VAX1: variants seen among roughly 807,000 people sequenced by gnomAD.
VAX1 encodes ventral anterior homeobox 1.
In VAX1, 6 loss-of-function variants were observed where a neutral mutation model predicts 17.6. The ratio of observed to expected loss-of-function variants is 0.34; its 90% CI spans 0.19 to 0.67. VAX1 has a LOEUF of 0.67. VAX1 is among the 30% of genes least tolerant of loss of function. The pLI, the probability that VAX1 is intolerant of heterozygous loss-of-function variation, is 0.69. For synonymous variants in VAX1, 256 were observed against 227.4 expected, an observed-to-expected ratio of 1.13 and a Z score of -1.13; for missense variants, 408 against 463.7, an observed-to-expected ratio of 0.88 and a Z score of 1.10.
chr10:117,138,096 C>CAAA lies in VAX1; in HGVS notation c.-43_-41dup. The CAAA allele has an allele frequency of 3.7e-5, 13 of 352,304 alleles. No individual in the cohort carries two copies. Among genetic ancestry groups the CAAA allele is most frequent in the South Asian group, 1.4e-4 (4 of 27,914 alleles). The allele number at this position is 352,304 out of a possible 1,614,324, so 21.8% of individuals were successfully genotyped here. A position where few individuals can be genotyped will look rare whatever the true frequency, so the allele number is the denominator to read the frequency against. On this transcript the variant is annotated 5_prime_UTR_variant, in exon 1 of 3. Coordinates refer to ENST00000369206, the MANE Select transcript of VAX1 (RefSeq NM_001112704.2). ...ACAAAAACAGAAAGGAAAAAAAAAGCAAAAAAAAAAAAAAGGGGGGGGGGC... is the reference window on the plus strand; with the variant it reads ...ACAAAAACAGAAAGGAAAAAAAAAGCAAAAAAAAAAAAAAAAAGGGGGGGGGGC...
At chr10:117,132,186 G>C (rs752021608), downstream of VAX1, 1 of 1,597,004 alleles carries the variant, frequency 6.3e-7, no homozygotes, top group Non-Finnish European at 8.5e-7. The surrounding 1 kb of genome is among the most constrained non-coding windows in gnomAD (Gnocchi z 4.9). Context: ...AGGCGCTCAC[G>C]GTACCAGTCG....
chr10:117,132,226 C>A, downstream of VAX1: 2 of 1,614,020 alleles, frequency 1.2e-6, no homozygotes, highest in Non-Finnish European at 1.7e-6. The surrounding 1 kb of genome is among the most constrained non-coding windows in gnomAD (Gnocchi z 4.9). Flanking sequence ...GGCTGCCACC[C>A]TCTGCCCCCG....
downstream of VAX1, chr10:117,128,797 T>C (rs891004013): frequency 1.3e-5 from 2 of 152,166 alleles, no homozygotes; most frequent in African/African-American, 2.4e-5. Context: ...CCAAGAAGGG[T>C]GTGCATCTGA....
rs372955877 is a variant in VAX1 at position 117,136,435 on chromosome 10, C to G, written c.429+37G>C. ...TAGGTAGGGGTGGTGGGGAGGAAGGCTGGTGCAGAACTGTGTGCGGCCTGG... is the reference window on the plus strand; with the variant it reads ...TAGGTAGGGGTGGTGGGGAGGAAGGGTGGTGCAGAACTGTGTGCGGCCTGG... On this transcript the variant is annotated intron_variant, in intron 2 of 2. Transcript: ENST00000369206. The surrounding 1 kb of genome is among the most constrained non-coding windows in gnomAD (Gnocchi z 5.0). 117 of 1,608,738 alleles carry G rather than the reference C, an allele frequency of 7.3e-5. No homozygotes were observed. The African/African-American group carries it at 1.3e-3, about 18-fold the overall frequency.
Position 117,138,259 on chromosome 10 carries a change from C to T in VAX1, c.-203G>A. On this transcript the variant is annotated 5_prime_UTR_variant, in exon 1 of 3. Transcript: ENST00000369206. ...TCGGCGGCCGCGCGCGGGTCAGCGGCGACGGGAGAGTGGCGCGCTCGCCGA... is the reference window on the plus strand; with the variant it reads ...TCGGCGGCCGCGCGCGGGTCAGCGGTGACGGGAGAGTGGCGCGCTCGCCGA... 3.0e-6 allele frequency: 2 copies of T among 663,470 alleles called. No homozygotes were observed. Among genetic ancestry groups the T allele is most frequent in the Non-Finnish European group, 5.0e-6 (2 of 400,816 alleles). 41.1% of individuals were successfully genotyped at this position (663,470 alleles called of 1,614,324 possible).
At position 117,134,315 on chromosome 10, in the gene VAX1, G is replaced by A; in HGVS notation, c.698C>T (p.Ala233Val). 9.5e-7 allele frequency: 1 copy of A among 1,048,098 alleles called. No individual in the cohort carries two copies. 64.9% of individuals were successfully genotyped at this position (1,048,098 alleles called of 1,614,324 possible). Reference protein sequence around the residue: ...AGSAAAAAAAAPGPAGAASPH... With the variant: ...AGSAAAAAAAVPGPAGAASPH... ...GGATGCAGCGCCCGCTGGGCCCGGG[G>A]CGGCGGCGGCGGCTGCGGCGGCCGA... is the stretch of plus-strand genomic sequence containing the variant. The change falls in exon 3 of 3, where the codon GCC becomes GTC. Residue 233 changes from alanine to valine, a missense_variant. Ala to Val is a moderately conservative substitution (Grantham distance 64, BLOSUM62 0). This residue lies in a region of VAX1 where 196 missense variants were observed against 218.7 expected (regional missense o/e 0.90). Transcript: ENST00000369206. The surrounding 1 kb of genome is among the most constrained non-coding windows in gnomAD (Gnocchi z 6.2).
downstream of VAX1, chr10:117,132,133 C>T (rs1174386540): frequency 4.1e-6 from 6 of 1,468,718 alleles, no homozygotes; most frequent in African/African-American, 7.1e-5. This position sits in a 1 kb window ranked among gnomAD's most constrained non-coding sequence, Gnocchi z 4.9. Context: ...AGCCAGGCGT[C>T]TCTGCCTCTC....
rs1246165942 is a variant in VAX1, at chr10:117,137,943, G to A, written c.114C>T (p.Asn38=). Reference sequence around the variant, plus strand: ...GCTCCTTGAGGAAGGCGGCTGGGAGGTTCCCCTCCGCGCCCTTGCTCTCCC... The same window carrying A: ...GCTCCTTGAGGAAGGCGGCTGGGAGATTCCCCTCCGCGCCCTTGCTCTCCC... ...ESRESKGAEG[N]LPAAFLKEPQ... is the part of the protein sequence containing the mutation. The change falls in exon 1 of 3, where the codon AAC becomes AAT. Residue 38 remains asparagine (N), a synonymous_variant. Coordinates refer to ENST00000369206, the MANE Select transcript of VAX1 (RefSeq NM_001112704.2). This position sits in a 1 kb window ranked among gnomAD's most constrained non-coding sequence, Gnocchi z 7.4. 3.1e-6 allele frequency: 5 copies of A among 1,613,690 alleles called. No homozygotes were observed. In the African/African-American group the frequency reaches 6.7e-5, roughly 22 times the overall value.
rs1013518654 is a variant in VAX1 at position 117,134,779 on chromosome 10, G to A, written c.430-196C>T. 6.6e-6 allele frequency among the ~76,000 whole-genome samples: 1 copy of A among 152,070 alleles called. No homozygotes were observed. The highest frequency in any genetic ancestry group is 1.5e-5 in the Non-Finnish European group (1 of 68,004). On this transcript the variant is annotated intron_variant, in intron 2 of 2. Coordinates refer to ENST00000369206, the MANE Select transcript of VAX1 (RefSeq NM_001112704.2). The surrounding 1 kb of genome is among the most constrained non-coding windows in gnomAD (Gnocchi z 6.2). Reference sequence around the variant, plus strand: ...GCGCCGCCACGAGGGGGACACAGCTGCTCCACCGGGCTGCGCTTCCGGGTC... The same window carrying A: ...GCGCCGCCACGAGGGGGACACAGCTACTCCACCGGGCTGCGCTTCCGGGTC...
chr10:117,132,085 G>C (rs1207280937), downstream of VAX1: 5 of 977,492 alleles, frequency 5.1e-6, no homozygotes, highest in African/African-American at 6.6e-5. This position sits in a 1 kb window ranked among gnomAD's most constrained non-coding sequence, Gnocchi z 4.9. Context: ...TAGAGAAATC[G>C]AGAGCGAAAC....
In VAX1 at chr10:117,137,746, G is replaced by A; in HGVS notation, c.241+70C>T. On this transcript the variant is annotated intron_variant, in intron 1 of 2. Coordinates refer to ENST00000369206, the MANE Select transcript of VAX1 (RefSeq NM_001112704.2). This position sits in a 1 kb window ranked among gnomAD's most constrained non-coding sequence, Gnocchi z 7.4. ...CACTCCTTCCCACCGGCCTGTGTCG[G>A]CGGCAGCGCGCAGCTCCGGCCCCGG... 6.2e-7 allele frequency: 1 copy of A among 1,602,712 alleles called. No homozygotes were observed.
chr10:117,134,452 C>T lies in VAX1; in HGVS notation c.561G>A (p.Leu187=), dbSNP rs2041289882. The stretch of plus-strand genomic sequence containing the variant: ...GCGCAGGCAGGCCGGGCGGCGACAA[C>T]AGGCGGCCCTGCTCCAGCAGCCGTA... ...SVLRLLEQGR[L]LSPPGLPALL... Residue 187 remains leucine (L), a synonymous_variant, in exon 3 of 3, where the codon CTG becomes CTA. Transcript: ENST00000369206. This position sits in a 1 kb window ranked among gnomAD's most constrained non-coding sequence, Gnocchi z 6.2. The T allele has an allele frequency of 2.0e-6, 3 of 1,510,994 alleles. No homozygotes were observed. Among genetic ancestry groups the T allele is most frequent in the Non-Finnish European group, 2.6e-6 (3 of 1,135,900 alleles). 93.6% of individuals were successfully genotyped at this position (1,510,994 alleles called of 1,614,324 possible). A position where few individuals can be genotyped will look rare whatever the true frequency, so the allele number is the denominator to read the frequency against.
rs1854118561 is a variant in VAX1, at chr10:117,133,549, T to C, written c.*459A>G. ...AAGAGGAAGGAACGTCCTCCTTTTT[T>C]GGTCTAAAGAAACCTGGAAGCCCCT... On this transcript the variant is annotated 3_prime_UTR_variant, in exon 3 of 3. Coordinates refer to ENST00000369206, the MANE Select transcript of VAX1 (RefSeq NM_001112704.2). 1.0e-6 allele frequency: 1 copy of C among 985,646 alleles called. No individual in the cohort carries two copies. The highest frequency in any genetic ancestry group is 1.1e-4 in the East Asian group (1 of 8,824). 61.1% of individuals were successfully genotyped at this position (985,646 alleles called of 1,614,324 possible). A position where few individuals can be genotyped will look rare whatever the true frequency, so the allele number is the denominator to read the frequency against.
Position 117,137,667 on chromosome 10 carries a change from C to A in VAX1, c.241+149G>T, listed in dbSNP as rs936492776. ...ACCGGAGAGTCCCAGGCGCTTGTCC[C>A]CAGCCGGACTCGGGGCGGGGAGGGC... is the stretch of plus-strand genomic sequence containing the variant. On this transcript the variant is annotated intron_variant, in intron 1 of 2. Transcript: ENST00000369206. The surrounding 1 kb of genome is among the most constrained non-coding windows in gnomAD (Gnocchi z 7.4). The A allele has an allele frequency of 6.6e-7, 1 of 1,523,738 alleles. No homozygotes were observed. Among genetic ancestry groups the A allele is most frequent in the African/African-American group, 1.4e-5 (1 of 71,716 alleles). The allele number at this position is 1,523,738 out of a possible 1,614,324, so 94.4% of individuals were successfully genotyped here.
downstream of VAX1, chr10:117,132,075 T>TAG (rs1554942477): frequency 1.1e-6 from 1 of 875,014 alleles, no homozygotes; most frequent in African/African-American, 1.7e-5. This position sits in a 1 kb window ranked among gnomAD's most constrained non-coding sequence, Gnocchi z 4.9. Context: ...GAGGGACAGA[T>TAG]AGAGAAATCG....
chr10:117,134,131 T>G lies in VAX1; in HGVS notation c.882A>C (p.Thr294=). ...AATTCCCAGCTAGCGAACCAGCCATTGTTAACGGGGCGGAGGACAGGCGGC... is the reference window on the plus strand; with the variant it reads ...AATTCCCAGCTAGCGAACCAGCCATGGTTAACGGGGCGGAGGACAGGCGGC... The part of the protein sequence containing the change: ...VASRLSSAPL[T]MAGSLAGNLQ... The change falls in exon 3 of 3, where the codon ACA becomes ACC. Residue 294 remains threonine, a synonymous_variant. Transcript: ENST00000369206. The surrounding 1 kb of genome is among the most constrained non-coding windows in gnomAD (Gnocchi z 6.2). 2.0e-6 allele frequency: 3 copies of G among 1,536,026 alleles called. No individual in the cohort carries two copies. Among genetic ancestry groups the G allele is most frequent in the Non-Finnish European group, 2.6e-6 (3 of 1,140,530 alleles).
In VAX1 at chr10:117,134,052, G is replaced by A; in HGVS notation, c.961C>T (p.Arg321Trp). The part of the protein sequence containing the change: ...LSSSAFEPYS[R>W]TNNKEGAEKK... ...TCGGCCCCTTCTTTATTGTTGGTCC[G>A]GGAGTAAGGCTCGAAGGCCGAGGAG... Residue 321 changes from arginine to tryptophan, a missense_variant, in exon 3 of 3, where the codon CGG becomes TGG. Coordinates refer to ENST00000369206, the MANE Select transcript of VAX1 (RefSeq NM_001112704.2). The surrounding 1 kb of genome is among the most constrained non-coding windows in gnomAD (Gnocchi z 6.2). 1 of 1,529,756 alleles carries A rather than the reference G, an allele frequency of 6.5e-7. No individual in the cohort carries two copies. The highest frequency in any genetic ancestry group is 1.2e-5 in the South Asian group (1 of 81,070). 94.8% of individuals were successfully genotyped at this position (1,529,756 alleles called of 1,614,324 possible).
rs571210978 is a variant in VAX1 at position 117,136,998 on chromosome 10, C to T, written c.242-339G>A. On this transcript the variant is annotated intron_variant, in intron 1 of 2. Coordinates refer to ENST00000369206, the MANE Select transcript of VAX1 (RefSeq NM_001112704.2). The surrounding 1 kb of genome is among the most constrained non-coding windows in gnomAD (Gnocchi z 5.0). Reference sequence around the variant, plus strand: ...CCGGGTCCCCTGTAGCCTGAGGGTACCCTTGTCGCCCCGCCCGGGTCCTGC... The same window carrying T: ...CCGGGTCCCCTGTAGCCTGAGGGTATCCTTGTCGCCCCGCCCGGGTCCTGC... Among the ~76,000 whole-genome samples the T allele has an allele frequency of 6.6e-6, 1 of 152,190 alleles. No individual in the cohort carries two copies. Among genetic ancestry groups the T allele is most frequent in the South Asian group, 2.1e-4 (1 of 4,830 alleles).
At position 117,137,106 on chromosome 10, in the gene VAX1, C is replaced by T. The variant is rs1854192079; in HGVS notation, c.242-447G>A. On this transcript the variant is annotated intron_variant, in intron 1 of 2. Transcript: ENST00000369206. The surrounding 1 kb of genome is among the most constrained non-coding windows in gnomAD (Gnocchi z 7.4). The stretch of plus-strand genomic sequence containing the variant: ...CTCGAGTCTCCTTCCCTCCGGAGTC[C>T]GCGCGGCGGAAGGAGGAGGGACTGA... 6.6e-6 allele frequency among the ~76,000 whole-genome samples: 1 copy of T among 151,658 alleles called. No individual in the cohort carries two copies.
Sources: allele counts gnomAD v4.1 joint callset (sites outside exome capture counted in the v4.1 genomes callset), GRCh38; gene constraint gnomAD v4.1.1; regional missense constraint gnomAD v4.1.1; non-coding constraint Gnocchi (gnomAD v3.1); transcripts MANE v1.5; gene names NCBI Gene and HGNC (gene_info 2026-07-23, HGNC 2026-07-21).